ESRRG: variants seen among roughly 807,000 people sequenced by gnomAD.
ESRRG encodes estrogen-related receptor gamma.
A neutral mutation model predicts 44.0 loss-of-function variants in ESRRG; 13 were observed. The observed-to-expected ratio is 0.30, with a 90% confidence interval of 0.19 to 0.47. The LOEUF (loss-of-function observed/expected upper bound fraction) is 0.47. Ranked by LOEUF, ESRRG falls within the 20% of genes least tolerant of loss-of-function variation. ESRRG has a pLI of 1.00. For synonymous variants in ESRRG, 215 were observed against 214.6 expected, an observed-to-expected ratio of 1.00 and a Z score of -0.02; for missense variants, 395 against 580.6, an observed-to-expected ratio of 0.68 and a Z score of 3.29.
intron 2 of ESRRG, among the ~76,000 whole-genome samples, chr1:216,779,963 T>C (rs2093866936): frequency 6.6e-6 from 1 of 151,918 alleles, no homozygotes; most frequent in South Asian, 2.1e-4. Flanking sequence ...CAACATGTTC[T>C]ATACACCTAA....
At chr1:216,997,339 C>T (rs752808318) in intron 1 of ESRRG, among the ~76,000 whole-genome samples, 5 of 152,176 alleles carry the variant, frequency 3.3e-5, no homozygotes, top group Non-Finnish European at 7.4e-5. Flanking sequence ...ATGCCGCTAG[C>T]AGGATATTCC....
At chr1:217,105,253 A>C (rs2092574687) in intron 1 of ESRRG, among the ~76,000 whole-genome samples, 1 of 152,238 alleles carries the variant, frequency 6.6e-6, no homozygotes, top group Admixed American at 6.5e-5. Context: ...AGCTCTAGGC[A>C]TAATCCTAAT....
intron 2 of ESRRG, among the ~76,000 whole-genome samples, chr1:216,916,888 A>AT (rs2061259384): frequency 1.3e-5 from 1 of 78,870 alleles, no homozygotes; most frequent in Non-Finnish European, 2.5e-5. Context: ...TTTTTTTGCT[A>AT]TGTAACTGAC....
chr1:217,106,419 C>T (rs1054822801), intron 1 of ESRRG, among the ~76,000 whole-genome samples: 1 of 151,234 alleles, frequency 6.6e-6, no homozygotes, highest in Non-Finnish European at 1.5e-5. Context: ...CACACACACA[C>T]GACCTGGTCT....
chr1:216,530,123 AAAAAAAAAAAG>A (rs1293959034), intron 5 of ESRRG, among the ~76,000 whole-genome samples: 2 of 150,768 alleles, frequency 1.3e-5, no homozygotes, highest in South Asian at 2.1e-4. Context: ...AAAAAAAAAA[AAAAAAAAAAAG>A]GGGGTGGGGG....
At chr1:216,575,401 C>T (rs1386873440) in intron 3 of ESRRG, among the ~76,000 whole-genome samples, 1 of 152,022 alleles carries the variant, frequency 6.6e-6, no homozygotes, top group Admixed American at 6.6e-5. Context: ...TCATACCTAC[C>T]TCCTCTCCCT....
At chr1:216,590,469 G>T (rs1436528901) in intron 3 of ESRRG, among the ~76,000 whole-genome samples, 1 of 152,074 alleles carries the variant, frequency 6.6e-6, no homozygotes, top group Non-Finnish European at 1.5e-5. Context: ...AAAATAATTT[G>T]GATGAATACA....
chr1:216,663,080 A>C (rs2072943248), intron 2 of ESRRG, among the ~76,000 whole-genome samples: 1 of 152,208 alleles, frequency 6.6e-6, no homozygotes, highest in South Asian at 2.1e-4. Context: ...TTGTAAATTG[A>C]TAATAACTGA....
intron 1 of ESRRG, among the ~76,000 whole-genome samples, chr1:217,017,088 G>A (rs1470525159): frequency 6.6e-6 from 1 of 152,106 alleles, no homozygotes; most frequent in Non-Finnish European, 1.5e-5. Context: ...CAGAAGTTGG[G>A]ACAGAATGCT....
intron 1 of ESRRG, among the ~76,000 whole-genome samples, chr1:217,039,113 C>A (rs1490298678): frequency 6.6e-6 from 1 of 152,204 alleles, no homozygotes; most frequent in Non-Finnish European, 1.5e-5. Flanking sequence ...ACCACCTCAG[C>A]CTGGACCTTA....
chr1:217,016,701 T>C (rs2079437463), intron 1 of ESRRG, among the ~76,000 whole-genome samples: 1 of 152,186 alleles, frequency 6.6e-6, no homozygotes, highest in African/African-American at 2.4e-5. Flanking sequence ...ATTTTCCTTA[T>C]ATCTCCTCTA....
At chr1:216,764,979 C>T (rs2093003006) in intron 2 of ESRRG, among the ~76,000 whole-genome samples, 2 of 151,952 alleles carry the variant, frequency 1.3e-5, no homozygotes, top group Non-Finnish European at 2.9e-5. Flanking sequence ...TGACACTCGA[C>T]CAAGTGATAC....
chr1:217,100,013 G>T (rs3851301), intron 1 of ESRRG, among the ~76,000 whole-genome samples: 34,692 of 151,260 alleles, frequency 0.23, 4,071 homozygotes, highest in East Asian at 0.27. Context: ...TTTGTGAAGT[G>T]AATTATTTTG....
At chr1:216,637,463 C>A (rs1411870048) in intron 3 of ESRRG, among the ~76,000 whole-genome samples, 2 of 152,178 alleles carry the variant, frequency 1.3e-5, no homozygotes, top group African/African-American at 2.4e-5. Context: ...GGTCTCCTTG[C>A]TCACAAAGGA....
chr1:216,766,048 A>T (rs564510395), intron 2 of ESRRG, among the ~76,000 whole-genome samples: 1 of 152,262 alleles, frequency 6.6e-6, no homozygotes, highest in Non-Finnish European at 1.5e-5. Context: ...AAAGCAAAGC[A>T]ATCTTCGTCA....
chr1:216,541,924 T>C (rs1220670528), intron 5 of ESRRG, among the ~76,000 whole-genome samples: 1 of 151,842 alleles, frequency 6.6e-6, no homozygotes, highest in East Asian at 1.9e-4. Flanking sequence ...CTTTGACTAC[T>C]AAGGGTTTGG....
chr1:216,623,098 T>G (rs930762214), intron 3 of ESRRG, among the ~76,000 whole-genome samples: 23 of 145,742 alleles, frequency 1.6e-4, no homozygotes, highest in Non-Finnish European at 3.2e-4. Context: ...TTTTTTTTTT[T>G]TTGAGATGGA....
At chr1:217,062,375 C>T (rs1456763140) in intron 1 of ESRRG, among the ~76,000 whole-genome samples, 1 of 152,126 alleles carries the variant, frequency 6.6e-6, no homozygotes, top group Non-Finnish European at 1.5e-5. Flanking sequence ...GCCTATTAAA[C>T]ACCCTACCTT....
intron 1 of ESRRG, among the ~76,000 whole-genome samples, chr1:217,114,607 C>A (rs1217449348): frequency 6.6e-6 from 1 of 150,926 alleles, no homozygotes; most frequent in East Asian, 1.9e-4. Context: ...ATCTGCAGAA[C>A]ATTTTTACTG....
Sources: gnomAD v4.1 joint callset for allele counts (sites outside exome capture counted in the v4.1 genomes callset) on GRCh38, gnomAD v4.1.1 for gene constraint, MANE v1.5 for transcripts, NCBI Gene and HGNC (gene_info 2026-07-23, HGNC 2026-07-21) for gene names.